The following ZNF407 variants were observed in gnomAD, a reference collection of about 807,000 sequenced individuals.
ZNF407 encodes zinc finger protein 407.
In ZNF407, 17 loss-of-function variants were observed where a neutral mutation model predicts 131.2. That is an observed-to-expected ratio of 0.13 (90% confidence interval 0.09 to 0.19). The LOEUF (loss-of-function observed/expected upper bound fraction) is 0.19, where lower values mean the gene tolerates loss of function less well. Ranked by LOEUF, ZNF407 falls within the 10% of genes least tolerant of loss-of-function variation. The probability of loss-of-function intolerance (pLI) is 1.00; values close to 1 mark genes in which losing one functional copy is unlikely to be tolerated. For missense variants in ZNF407, 2,681 were observed against 2,830.6 expected, an observed-to-expected ratio of 0.95 and a Z score of 1.20; for synonymous variants, 1,156 against 1,062.0, an observed-to-expected ratio of 1.09 and a Z score of -1.72.
chr18:74,659,615 T>C (rs1462099339), intron 3 of ZNF407, among the ~76,000 whole-genome samples: 2 of 152,264 alleles, frequency 1.3e-5, no homozygotes, highest in East Asian at 3.9e-4. Flanking sequence ...AATGATTATA[T>C]TTCTTGATAG....
intron 8 of ZNF407, among the ~76,000 whole-genome samples, chr18:74,967,235 C>T (rs1231368227): frequency 1.3e-5 from 2 of 151,776 alleles, no homozygotes; most frequent in Non-Finnish European, 1.5e-5. Flanking sequence ...CGACAGAGAC[C>T]CTAACACGAA....
intron 3 of ZNF407, among the ~76,000 whole-genome samples, chr18:74,761,560 A>G (rs1272234383): frequency 6.6e-6 from 1 of 152,164 alleles, no homozygotes; most frequent in Non-Finnish European, 1.5e-5. Context: ...ATATTGCTAT[A>G]TATTATTTCA....
chr18:75,041,671 C>T (rs993862141), intron 8 of ZNF407, among the ~76,000 whole-genome samples: 2 of 151,682 alleles, frequency 1.3e-5, no homozygotes, highest in African/African-American at 4.9e-5. Context: ...GAGCCAAAAA[C>T]AAATGTGCAG....
intron 1 of ZNF407, among the ~76,000 whole-genome samples, chr18:74,619,950 G>A (rs1192820416): frequency 1.3e-5 from 2 of 151,440 alleles, no homozygotes; most frequent in East Asian, 3.9e-4. Flanking sequence ...TAATGGCATT[G>A]AATTTTTTCA....
At chr18:74,654,209 C>G (rs1183350824) in intron 3 of ZNF407, among the ~76,000 whole-genome samples, 3 of 151,738 alleles carry the variant, frequency 2.0e-5, no homozygotes, top group Admixed American at 2.0e-4. Flanking sequence ...ATTTTAATTT[C>G]TTGACATCAA....
intron 3 of ZNF407, among the ~76,000 whole-genome samples, chr18:74,682,823 GC>G (rs1967014759): frequency 6.6e-6 from 1 of 152,164 alleles, no homozygotes; most frequent in South Asian, 2.1e-4. Context: ...TTGGCTTGGT[GC>G]ACTTTTATGC....
intron 4 of ZNF407, among the ~76,000 whole-genome samples, chr18:74,781,734 T>C (rs1969607255): frequency 6.6e-6 from 1 of 152,146 alleles, no homozygotes; most frequent in Non-Finnish European, 1.5e-5. Context: ...ACTTTGAATT[T>C]GTGAAACAAC....
intron 7 of ZNF407, among the ~76,000 whole-genome samples, 164 bp downstream of exon 7, chr18:74,890,202 T>A (rs929971307): frequency 5.9e-5 from 9 of 152,214 alleles, no homozygotes; most frequent in South Asian, 2.1e-4. Context: ...TAAACTTTTT[T>A]AAAGTGGTTT....
At chr18:75,023,718 G>A (rs1039970419) in intron 8 of ZNF407, among the ~76,000 whole-genome samples, 1 of 152,074 alleles carries the variant, frequency 6.6e-6, no homozygotes, top group African/African-American at 2.4e-5. Flanking sequence ...CTAGCTATCT[G>A]AGCACCTACA....
intron 7 of ZNF407, 57 bp from the exon 8 acceptor site, chr18:74,920,457 A>C: frequency 7.2e-7 from 1 of 1,385,116 alleles, no homozygotes; most frequent in East Asian, 2.3e-5. Flanking sequence ...CATTATTTGT[A>C]AGATAAGGTT....
intron 4 of ZNF407, among the ~76,000 whole-genome samples, chr18:74,874,880 G>A (rs936087997): frequency 9.2e-5 from 14 of 152,106 alleles, no homozygotes; most frequent in Admixed American, 9.2e-4. Flanking sequence ...TGGGGACAGT[G>A]GGTATTCAGG....
At chr18:74,871,039 A>T (rs1357439493) in intron 4 of ZNF407, among the ~76,000 whole-genome samples, 2 of 152,306 alleles carry the variant, frequency 1.3e-5, no homozygotes, top group East Asian at 3.9e-4. Context: ...ATGCTTATAG[A>T]TACTGAATTT....
At chr18:74,896,470 T>C (rs2145203214) in intron 7 of ZNF407, among the ~76,000 whole-genome samples, 1 of 152,340 alleles carries the variant, frequency 6.6e-6, no homozygotes, top group East Asian at 1.9e-4. Flanking sequence ...TTCCAAGGCC[T>C]TCTTCAAATT....
intron 8 of ZNF407, among the ~76,000 whole-genome samples, chr18:75,014,106 T>C (rs1973015697): frequency 6.6e-6 from 1 of 152,160 alleles, no homozygotes; most frequent in African/African-American, 2.4e-5. Context: ...GAGGATGTAC[T>C]AGGGGTTAAA....
At chr18:74,751,218 G>T (rs1290416510) in intron 3 of ZNF407, among the ~76,000 whole-genome samples, 1 of 152,054 alleles carries the variant, frequency 6.6e-6, no homozygotes, top group Non-Finnish European at 1.5e-5. Context: ...ATTCCTCTAA[G>T]ATTTTATAGC....
At chr18:74,990,107 T>C (rs1412983459) in intron 8 of ZNF407, among the ~76,000 whole-genome samples, 1 of 152,202 alleles carries the variant, frequency 6.6e-6, no homozygotes, top group African/African-American at 2.4e-5. Flanking sequence ...TGACACATTA[T>C]TGATGTATTT....
Position 74,632,858 on chromosome 18 carries a change from G to A in ZNF407, c.1839G>A (p.Met613Ile). 1 of 1,613,460 alleles carries A rather than the reference G, an allele frequency of 6.2e-7. No homozygotes were observed. Residue 613 changes from methionine (M) to isoleucine (I), a missense_variant, in exon 2 of 9, where the codon ATG becomes ATA. Physicochemically the swap from Met to Ile is conservative, Grantham distance 10 (BLOSUM62 1). This residue lies in a region of ZNF407 where 1,789 missense variants were observed against 1,748.7 expected (regional missense o/e 1.02). Transcript: ENST00000299687. ...ACCACATGAAGGAAAAGCACAATATGCATTTTCTTTGCACCCCTTGTAATC... is the reference window on the plus strand; with the variant it reads ...ACCACATGAAGGAAAAGCACAATATACATTTTCTTTGCACCCCTTGTAATC... The part of the protein sequence containing the change: ...LRDHMKEKHN[M>I]HFLCTPCNLF...
At chr18:74,629,178 T>C (rs1983936088) in intron 1 of ZNF407, among the ~76,000 whole-genome samples, 1 of 152,204 alleles carries the variant, frequency 6.6e-6, no homozygotes, top group Non-Finnish European at 1.5e-5. Flanking sequence ...CCCTTAGTAG[T>C]GTTATGAGGG....
Position 74,877,310 on chromosome 18 carries a change from A to C in ZNF407, c.4991A>C (p.His1664Pro). 1 of 1,613,940 alleles carries C rather than the reference A, an allele frequency of 6.2e-7. No individual in the cohort carries two copies. The highest frequency in any genetic ancestry group is 2.2e-5 in the East Asian group (1 of 44,890). Residue 1664 changes from histidine to proline, a missense_variant, in exon 5 of 9, where the codon CAT becomes CCT. Transcript: ENST00000299687. ...TTTAAATGTACCTGGCCCACGTGCC[A>C]TTACTCATTCCTCACAGCCTCCGCA... ...KPFKCTWPTC[H>P]YSFLTASAMK... is the part of the protein sequence containing the mutation.
Sources: allele counts gnomAD v4.1 joint callset (sites outside exome capture counted in the v4.1 genomes callset), GRCh38; gene constraint gnomAD v4.1.1; regional missense constraint gnomAD v4.1.1; transcripts MANE v1.5; gene names NCBI Gene and HGNC (gene_info 2026-07-23, HGNC 2026-07-21).